Variants in UGT1A7 observed in about 807,000 individuals in gnomAD.
UGT1A7 encodes the protein UDP glucuronosyltransferase family 1 member A7, also known as UDP-glucuronosyltransferase 1A7.
In UGT1A7, 33 loss-of-function variants were observed where a neutral mutation model predicts 45.6. The ratio of observed to expected loss-of-function variants is 0.72; its 90% CI spans 0.55 to 0.97. The LOEUF is 0.97. Ranked by LOEUF, UGT1A7 falls within the 50% of genes least tolerant of loss-of-function variation. The pLI is 0.00. For missense variants in UGT1A7, 684 were observed against 666.2 expected (o/e 1.03, Z -0.29); for synonymous variants, 274 against 250.6 (o/e 1.09, Z -0.88).
rs369685158 is a variant in UGT1A7, at chr2:233,713,685, GC to G, written c.855+30894del. On this transcript the variant is annotated intron_variant, in intron 1 of 4. Transcript: ENST00000373426. ...TTGCCATGCTGTTTCTGCTCCTTAT[GC>G]AAGCCTTGCCTCTGAGCTTTTTCAG... is the stretch of plus-strand genomic sequence containing the variant. The G allele has an allele frequency of 8.8e-4, 1,413 of 1,613,920 alleles. 18 individuals are homozygous for G. The South Asian group carries it at 0.011, about 13-fold the overall frequency.
At chr2:233,768,006 T>C in intron 3 of UGT1A7, 70 bp downstream of exon 3, 1 of 1,614,080 alleles carries the variant, frequency 6.2e-7, no homozygotes, top group South Asian at 1.1e-5. Context: ...AGCACAGCTA[T>C]TCTAAAGGAT....
At chr2:233,761,167 G>A in intron 1 of UGT1A7, 1 of 1,614,098 alleles carries the variant, frequency 6.2e-7, no homozygotes. Context: ...TATTGGAGTG[G>A]GACTTTTACA....
rs545296603 is a variant in UGT1A7, at chr2:233,723,272, C to T, written c.855+40480C>T. On this transcript the variant is annotated intron_variant, in intron 1 of 4. Transcript: ENST00000373426. Reference sequence around the variant, plus strand: ...TCACCCAGGCTGGAGTGCAATGGCACGATGTTGGCTCACTGCAACCTCTGC... The same window carrying T: ...TCACCCAGGCTGGAGTGCAATGGCATGATGTTGGCTCACTGCAACCTCTGC... 7.1e-5 allele frequency among the ~76,000 whole-genome samples: 8 copies of T among 111,932 alleles called. 2 individuals carry two copies. In the East Asian group the frequency reaches 1.2e-3, roughly 16 times the overall value. The allele number at this position is 111,932 out of a possible 152,430, so 73.4% of individuals were successfully genotyped here.
At chr2:233,705,268 G>T (rs545521237) in intron 1 of UGT1A7, among the ~76,000 whole-genome samples, 50 of 152,210 alleles carry the variant, frequency 3.3e-4, no homozygotes, top group African/African-American at 1.1e-3. Flanking sequence ...GGGGTCACTT[G>T]CTTTCAACCT....
rs570829500 is a variant in UGT1A7, at chr2:233,743,629, T to G, written c.856-23405T>G. 70 of 1,367,302 alleles carry G rather than the reference T, an allele frequency of 5.1e-5. 1 individual carries two copies. The highest frequency in any genetic ancestry group is 2.7e-4 in the East Asian group (6 of 21,984). The allele number at this position is 1,367,302 out of a possible 1,614,324, so 84.7% of individuals were successfully genotyped here. The stretch of plus-strand genomic sequence containing the variant: ...CGAAGAACTCCCTGAAGACGTCGGC[T>G]GGGTCGCGGAAGCTGAAGACGTACT... On this transcript the variant is annotated intron_variant, in intron 1 of 4. Transcript: ENST00000373426.
chr2:233,729,822 A>G, intron 1 of UGT1A7: 1 of 1,613,914 alleles, frequency 6.2e-7, no homozygotes, highest in Non-Finnish European at 8.5e-7. Flanking sequence ...CTCCTTATGC[A>G]AGCCTTGCCT....
intron 1 of UGT1A7, among the ~76,000 whole-genome samples, chr2:233,705,689 G>C (rs551637021): frequency 6.6e-6 from 1 of 152,268 alleles, no homozygotes; most frequent in South Asian, 2.1e-4. Flanking sequence ...CACAACGACT[G>C]GTATAAAAAT....
intron 1 of UGT1A7, chr2:233,741,376 C>T (rs1691643846): frequency 6.6e-6 from 1 of 151,824 alleles, no homozygotes; most frequent in Non-Finnish European, 1.5e-5. Flanking sequence ...ACTGCCCATG[C>T]CTTTCTACCA....
chr2:233,745,503 T>C (rs1023645979), intron 1 of UGT1A7, among the ~76,000 whole-genome samples: 6 of 151,616 alleles, frequency 4.0e-5, no homozygotes, highest in Admixed American at 6.6e-5. Flanking sequence ...AGATTTCCTA[T>C]AGGGTATTAG....
intron 1 of UGT1A7, chr2:233,691,405 T>C: frequency 1.0e-6 from 1 of 985,594 alleles, no homozygotes; most frequent in Non-Finnish European, 1.2e-6. Context: ...GCCCTGTCCT[T>C]GGAGTGGCCC....
intron 1 of UGT1A7, chr2:233,743,914 C>G (rs201448352): frequency 1.5e-6 from 2 of 1,364,518 alleles, no homozygotes; most frequent in Non-Finnish European, 2.0e-6. Context: ...AGTAGTCCAC[C>G]ATGCTGGATG....
Position 233,740,697 on chromosome 2 carries a change from G to T in UGT1A7, c.856-26337G>T, listed in dbSNP as rs764928862. The stretch of plus-strand genomic sequence containing the variant: ...TTCCATGGAGGGTGTTCATTTTAGG[G>T]ATTTCAAGAGGGTCATCTTTGCACC... On this transcript the variant is annotated intron_variant, in intron 1 of 4. Coordinates refer to ENST00000373426, the MANE Select transcript of UGT1A7 (RefSeq NM_019077.3). 2.6e-5 allele frequency: 4 copies of T among 151,794 alleles called. No homozygotes were observed. In the East Asian group the frequency reaches 7.7e-4, roughly 29 times the overall value. 9.4% of individuals were successfully genotyped at this position (151,794 alleles called of 1,614,324 possible).
At chr2:233,742,075 C>T (rs1426608266) in intron 1 of UGT1A7, 1 of 151,834 alleles carries the variant, frequency 6.6e-6, no homozygotes, top group East Asian at 1.9e-4. Context: ...TTATGGAGAT[C>T]CTTTTTTTAC....
chr2:233,734,934 T>A (rs2078587664), intron 1 of UGT1A7, among the ~76,000 whole-genome samples: 1 of 152,172 alleles, frequency 6.6e-6, no homozygotes, highest in Admixed American at 6.6e-5. Flanking sequence ...TTACTTACAA[T>A]CATATGGTCA....
At chr2:233,722,921 C>G (rs1255779754) in intron 1 of UGT1A7, among the ~76,000 whole-genome samples, 1 of 128,932 alleles carries the variant, frequency 7.8e-6, no homozygotes, top group African/African-American at 2.9e-5. Flanking sequence ...GGTCTTCATC[C>G]TCATTGTCTC....
At chr2:233,699,543 T>C (rs1049729465) in intron 1 of UGT1A7, among the ~76,000 whole-genome samples, 4 of 152,214 alleles carry the variant, frequency 2.6e-5, no homozygotes, top group Non-Finnish European at 4.4e-5. Context: ...ATTCACATCA[T>C]AGAGCCAGGT....
rs376676972 is a variant in UGT1A7, at chr2:233,729,353, C to T, written c.856-37681C>T. On this transcript the variant is annotated intron_variant, in intron 1 of 4. Coordinates refer to ENST00000373426, the MANE Select transcript of UGT1A7 (RefSeq NM_019077.3). ...CACATCAAAGAAGAGAACTTTTTCACCCTGACAACCTATGCCATTTCGTGG... is the reference window on the plus strand; with the variant it reads ...CACATCAAAGAAGAGAACTTTTTCATCCTGACAACCTATGCCATTTCGTGG... 2.5e-5 allele frequency: 40 copies of T among 1,614,044 alleles called. No individual in the cohort carries two copies. The African/African-American group carries it at 5.1e-4, about 20-fold the overall frequency.
chr2:233,691,972 G>T lies in UGT1A7; in HGVS notation c.855+9180G>T, dbSNP rs1349071943. 5 of 152,224 alleles carry T rather than the reference G, an allele frequency of 3.3e-5. No homozygotes were observed. The East Asian group carries it at 9.6e-4, about 29-fold the overall frequency. 9.4% of individuals were successfully genotyped at this position (152,224 alleles called of 1,614,324 possible). A position where few individuals can be genotyped will look rare whatever the true frequency, so the allele number is the denominator to read the frequency against. On this transcript the variant is annotated intron_variant, in intron 1 of 4. Coordinates refer to ENST00000373426, the MANE Select transcript of UGT1A7 (RefSeq NM_019077.3). ...TTGTTATTCAAAACAGATCCCTTTC[G>T]ATCACACCTAAGTTTATGTAAAGGA...
chr2:233,724,339 G>A (rs2077227774), intron 1 of UGT1A7, among the ~76,000 whole-genome samples: 2 of 142,766 alleles, frequency 1.4e-5, no homozygotes, highest in African/African-American at 5.3e-5. Flanking sequence ...GCGGGGGGCT[G>A]ACCCCCCCCA....
Sources: gnomAD v4.1 joint callset for allele counts (sites outside exome capture counted in the v4.1 genomes callset) on GRCh38, gnomAD v4.1.1 for gene constraint, MANE v1.5 for transcripts, NCBI Gene and HGNC (gene_info 2026-07-23, HGNC 2026-07-21) for gene names.